SESTD1: variants seen among roughly 807,000 people sequenced by gnomAD.
SESTD1 encodes the protein SEC14 and spectrin domain containing 1.
SESTD1 carries 43 observed loss-of-function variants against 101.7 expected under a neutral mutation model. The observed-to-expected ratio is 0.42, with a 90% CI of 0.33 to 0.55. The LOEUF is 0.55. Among genes scored for constraint, SESTD1 ranks in the 20% least tolerant of loss-of-function variants. SESTD1 has a pLI of 0.07. For synonymous variants in SESTD1, 283 were observed against 286.8 expected, an observed-to-expected ratio of 0.99 and a Z score of 0.13; for missense variants, 647 against 815.1, an observed-to-expected ratio of 0.79 and a Z score of 2.51.
rs940022358 is a variant in SESTD1, at chr2:179,232,015, T to G, written c.-26+32484A>C. On this transcript the variant is annotated intron_variant, in intron 1 of 17. Transcript: ENST00000428443. ...TAATAATACGTAAGACTGAAAACAC[T>G]TATAAACTGAACTGAAAACTACATA... 1.4e-4 allele frequency among the ~76,000 whole-genome samples: 22 copies of G among 151,964 alleles called. 1 individual carries two copies. The highest frequency in any genetic ancestry group is 4.6e-4 in the African/African-American group (19 of 41,438).
chr2:179,189,249 TG>T lies in SESTD1; in HGVS notation c.55+2537del, dbSNP rs915426473. Among the ~76,000 whole-genome samples, 65 of 152,290 alleles carry T rather than the reference TG, an allele frequency of 4.3e-4. 3 individuals carry two copies. The highest frequency in any genetic ancestry group is 3.4e-3 in the Middle Eastern group (1 of 294). ...TCCACATTCAATTAGGCTTTATTCC[TG>T]GGATGCAAGATCAGTTCAACATGCA... On this transcript the variant is annotated intron_variant, in intron 2 of 17. Coordinates refer to ENST00000428443, the MANE Select transcript of SESTD1 (RefSeq NM_178123.5).
chr2:179,105,460 T>C lies in SESTD1; in HGVS notation c.*4439A>G, dbSNP rs564482001. 3 of 152,068 alleles carry C rather than the reference T, an allele frequency of 2.0e-5. No individual in the cohort carries two copies. Among genetic ancestry groups the C allele is most frequent in the Non-Finnish European group, 2.9e-5 (2 of 67,996 alleles). The allele number at this position is 152,068 out of a possible 1,614,324, so 9.4% of individuals were successfully genotyped here. A position where few individuals can be genotyped will look rare whatever the true frequency, so the allele number is the denominator to read the frequency against. ...CTGATGAGCTTACCAACTGGACCTTTTGTATCTTCAGTGTGTAATTCTGAA... is the reference window on the plus strand; with the variant it reads ...CTGATGAGCTTACCAACTGGACCTTCTGTATCTTCAGTGTGTAATTCTGAA... On this transcript the variant is annotated 3_prime_UTR_variant, in exon 18 of 18. Coordinates refer to ENST00000428443, the MANE Select transcript of SESTD1 (RefSeq NM_178123.5).
intron 3 of SESTD1, among the ~76,000 whole-genome samples, chr2:179,177,293 A>ATTG (rs2046028658): frequency 6.6e-6 from 1 of 152,166 alleles, no homozygotes; most frequent in African/African-American, 2.4e-5. Flanking sequence ...TATCATTATC[A>ATTG]TTGTTATTAT....
At chr2:179,122,321 T>G (rs2044771708) in intron 12 of SESTD1, among the ~76,000 whole-genome samples, 1 of 152,210 alleles carries the variant, frequency 6.6e-6, no homozygotes, top group Non-Finnish European at 1.5e-5. Context: ...AAACATGTTG[T>G]TTAAAAAAGC....
chr2:179,151,449 A>C, intron 5 of SESTD1, 58 bp from the exon 6 acceptor site: 2 of 1,206,198 alleles, frequency 1.7e-6, no homozygotes, highest in Non-Finnish European at 2.3e-6. Context: ...AATCCACGAA[A>C]GTAACCAGGA....
rs967579746 is a variant in SESTD1 at position 179,114,937 on chromosome 2, C to G, written c.1839+128G>C. 11 of 800,454 alleles carry G rather than the reference C, an allele frequency of 1.4e-5. No homozygotes were observed. In the South Asian group the frequency reaches 2.2e-4, roughly 16 times the overall value. The allele number at this position is 800,454 out of a possible 1,614,324, so 49.6% of individuals were successfully genotyped here. On this transcript the variant is annotated intron_variant, in intron 16 of 17. Transcript: ENST00000428443. ...GGCAATGTATTATATCTAAACAAAC[C>G]GTAACAACGGAACTAATATAAATAT...
At chr2:179,255,461 C>A (rs62177335) in intron 1 of SESTD1, among the ~76,000 whole-genome samples, 1 of 152,178 alleles carries the variant, frequency 6.6e-6, no homozygotes, top group Non-Finnish European at 1.5e-5. Context: ...GAAGACCAAA[C>A]CAGCCATAAC....
chr2:179,147,869 C>A (rs558231762), intron 7 of SESTD1, among the ~76,000 whole-genome samples: 1 of 152,174 alleles, frequency 6.6e-6, no homozygotes, highest in Non-Finnish European at 1.5e-5. Context: ...CAAACTTACT[C>A]GGATGGACTA....
chr2:179,231,758 A>G (rs1296880739), intron 1 of SESTD1, among the ~76,000 whole-genome samples: 1 of 151,606 alleles, frequency 6.6e-6, no homozygotes, highest in Admixed American at 6.6e-5. Context: ...AAAAAAAGGG[A>G]TAAGCAAAGG....
chr2:179,141,383 C>T (rs958063993), intron 9 of SESTD1, among the ~76,000 whole-genome samples: 1 of 152,164 alleles, frequency 6.6e-6, no homozygotes, highest in East Asian at 1.9e-4. Context: ...TTGTTGGCAC[C>T]TGGCATAGCT....
At position 179,104,253 on chromosome 2, in the gene SESTD1, T is replaced by A. The variant is rs2044333107; in HGVS notation, c.*5646A>T. Reference sequence around the variant, plus strand: ...ATCAGTTCTCAAATCTACTCTGGTTTATAACTGTCAAAGTGGTATTTCGAT... The same window carrying A: ...ATCAGTTCTCAAATCTACTCTGGTTAATAACTGTCAAAGTGGTATTTCGAT... On this transcript the variant is annotated 3_prime_UTR_variant, in exon 18 of 18. Coordinates refer to ENST00000428443, the MANE Select transcript of SESTD1 (RefSeq NM_178123.5). 6.6e-6 allele frequency: 1 copy of A among 152,148 alleles called. No homozygotes were observed. Among genetic ancestry groups the A allele is most frequent in the African/African-American group, 2.4e-5 (1 of 41,432 alleles). The allele number at this position is 152,148 out of a possible 1,614,324, so 9.4% of individuals were successfully genotyped here. A position where few individuals can be genotyped will look rare whatever the true frequency, so the allele number is the denominator to read the frequency against.
At chr2:179,191,759 C>T in intron 2 of SESTD1, 28 bp downstream of exon 2, 1 of 1,591,702 alleles carries the variant, frequency 6.3e-7, no homozygotes, top group South Asian at 1.1e-5. Context: ...GTATATCAAA[C>T]ACTTCAAATT....
Position 179,237,656 on chromosome 2 carries a change from C to A in SESTD1, c.-26+26843G>T, listed in dbSNP as rs368768881. Among the ~76,000 whole-genome samples the A allele has an allele frequency of 7.4e-4, 113 of 151,982 alleles. 2 individuals are homozygous for A. In the South Asian group the frequency reaches 0.022, roughly 30 times the overall value. On this transcript the variant is annotated intron_variant, in intron 1 of 17. Coordinates refer to ENST00000428443, the MANE Select transcript of SESTD1 (RefSeq NM_178123.5). ...TTGAAATAAGGAAAGTGATTTTTTTCCATGGTCCCTTCTGTCAGTAAGCTC... is the reference window on the plus strand; with the variant it reads ...TTGAAATAAGGAAAGTGATTTTTTTACATGGTCCCTTCTGTCAGTAAGCTC...
chr2:179,143,533 A>T, intron 9 of SESTD1, 59 bp downstream of exon 9: 6 of 1,467,292 alleles, frequency 4.1e-6, no homozygotes, highest in Non-Finnish European at 3.8e-6. Flanking sequence ...ATAGTCAGTC[A>T]CATAGTAGAA....
At chr2:179,256,609 G>A (rs777830969) in intron 1 of SESTD1, among the ~76,000 whole-genome samples, 5 of 152,038 alleles carry the variant, frequency 3.3e-5, no homozygotes, top group African/African-American at 7.2e-5. Context: ...TCAGGAGATC[G>A]AGACCAACCT....
At chr2:179,143,444 AAAAC>A (rs1158927942) in intron 9 of SESTD1, 144 bp downstream of exon 9, 4 of 605,002 alleles carry the variant, frequency 6.6e-6, no homozygotes, top group Non-Finnish European at 1.1e-5. Flanking sequence ...TACTATTTGT[AAAAC>A]AATACATAAT....
intron 1 of SESTD1, among the ~76,000 whole-genome samples, chr2:179,222,301 T>C (rs2046827239): frequency 6.6e-6 from 1 of 152,192 alleles, no homozygotes; most frequent in Non-Finnish European, 1.5e-5. Context: ...AGCTATGTGG[T>C]TTTGGCAATT....
intron 1 of SESTD1, among the ~76,000 whole-genome samples, chr2:179,263,550 C>T (rs1211174011): frequency 1.3e-5 from 2 of 152,134 alleles, no homozygotes; most frequent in Non-Finnish European, 2.9e-5. Context: ...ATGCTTGACA[C>T]AAGCAAAACG....
Position 179,199,421 on chromosome 2 carries a change from TA to T in SESTD1, c.-25-7556del, listed in dbSNP as rs2046464885. Among the ~76,000 whole-genome samples the T allele has an allele frequency of 1.1e-4, 16 of 152,106 alleles. 1 individual carries two copies. In the South Asian group the frequency reaches 3.3e-3, roughly 32 times the overall value. Reference sequence around the variant, plus strand: ...TTCCTTCTGAAACTATTCCAATCAATAGAAAAAGAGGGAATCCTCCCTAACT... The same window carrying T: ...TTCCTTCTGAAACTATTCCAATCAATGAAAAAGAGGGAATCCTCCCTAACT... On this transcript the variant is annotated intron_variant, in intron 1 of 17. Transcript: ENST00000428443.
Sources: allele counts gnomAD v4.1 joint callset (sites outside exome capture counted in the v4.1 genomes callset), GRCh38; gene constraint gnomAD v4.1.1; transcripts MANE v1.5; gene names NCBI Gene and HGNC (gene_info 2026-07-23, HGNC 2026-07-21).